The following TNKS variants were observed in gnomAD, a reference collection of about 807,000 sequenced individuals.
TNKS encodes tankyrase.
In TNKS, 72 loss-of-function variants were observed where a neutral mutation model predicts 135.8. The observed-to-expected ratio is 0.53, with a 90% confidence interval of 0.44 to 0.64. TNKS has a LOEUF of 0.64. Ranked by LOEUF, TNKS falls within the 30% of genes least tolerant of loss-of-function variation. The pLI is 0.00. For missense variants in TNKS, 1,769 were observed against 1,674.0 expected, an observed-to-expected ratio of 1.06 and a Z score of -0.99; for synonymous variants, 849 against 649.3, an observed-to-expected ratio of 1.31 and a Z score of -4.68.
chr8:9,580,746 C>T (rs148740570), intron 2 of TNKS, among the ~76,000 whole-genome samples: 1 of 151,964 alleles, frequency 6.6e-6, no homozygotes, highest in East Asian at 1.9e-4. Context: ...CATTTGAACA[C>T]TTGAGGTTGA....
chr8:9,623,603 C>T (rs951964917), intron 3 of TNKS, among the ~76,000 whole-genome samples: 2 of 152,158 alleles, frequency 1.3e-5, no homozygotes, highest in East Asian at 1.9e-4. Flanking sequence ...TGCCAATAGA[C>T]TTGCTGGATG....
Position 9,680,809 on chromosome 8 carries a change from T to C in TNKS, c.1107+9T>C, listed in dbSNP as rs1802749492. On this transcript the variant is annotated intron_variant, in intron 5 of 26. Coordinates refer to ENST00000310430, the MANE Select transcript of TNKS (RefSeq NM_003747.3). ...CAAGTGATGGGCGAAAGGTAAGTTATTTTAAATACAATCCTCTTTAATTGC... is the reference window on the plus strand; with the variant it reads ...CAAGTGATGGGCGAAAGGTAAGTTACTTTAAATACAATCCTCTTTAATTGC... 1 of 1,608,548 alleles carries C rather than the reference T, an allele frequency of 6.2e-7. No individual in the cohort carries two copies. Among genetic ancestry groups the C allele is most frequent in the South Asian group, 1.1e-5 (1 of 90,668 alleles).
At chr8:9,561,810 T>G (rs2129049417) in intron 1 of TNKS, among the ~76,000 whole-genome samples, 1 of 152,288 alleles carries the variant, frequency 6.6e-6, no homozygotes, top group Middle Eastern at 3.4e-3. Context: ...CATTTTACAT[T>G]CCCATCAACG....
At chr8:9,709,769 C>G (rs1804228958) in intron 9 of TNKS, among the ~76,000 whole-genome samples, 186 bp from the exon 10 acceptor site, 1 of 152,196 alleles carries the variant, frequency 6.6e-6, no homozygotes, top group Non-Finnish European at 1.5e-5. Context: ...GGTTTAAACG[C>G]TTACGTTTTG....
chr8:9,607,404 A>G (rs1186364275), intron 2 of TNKS, among the ~76,000 whole-genome samples: 4 of 152,198 alleles, frequency 2.6e-5, no homozygotes, highest in South Asian at 2.1e-4. Context: ...TATATCAATA[A>G]CCTTTCCAAT....
chr8:9,638,488 A>G (rs1002177921), intron 3 of TNKS, among the ~76,000 whole-genome samples: 1 of 152,228 alleles, frequency 6.6e-6, no homozygotes, highest in Non-Finnish European at 1.5e-5. Context: ...ATATACCTAC[A>G]TGTGTATACA....
intron 11 of TNKS, among the ~76,000 whole-genome samples, chr8:9,714,505 T>C (rs1404406487): frequency 6.6e-6 from 1 of 152,194 alleles, no homozygotes; most frequent in Admixed American, 6.6e-5. Flanking sequence ...AAGACACATA[T>C]CTAATCCCTT....
At chr8:9,750,549 C>T (rs1324383656) in intron 18 of TNKS, among the ~76,000 whole-genome samples, 1 of 152,158 alleles carries the variant, frequency 6.6e-6, no homozygotes, top group Non-Finnish European at 1.5e-5. Context: ...CAGCATTAGT[C>T]CCCTTTCTCT....
intron 12 of TNKS, among the ~76,000 whole-genome samples, chr8:9,721,631 A>G (rs1385450967): frequency 6.7e-6 from 1 of 148,714 alleles, no homozygotes; most frequent in Non-Finnish European, 1.5e-5. Flanking sequence ...GTAGTTCTTA[A>G]CTCTATCAGG....
intron 2 of TNKS, among the ~76,000 whole-genome samples, chr8:9,585,255 T>A (rs1277275596): frequency 6.6e-6 from 1 of 151,538 alleles, no homozygotes; most frequent in Admixed American, 6.6e-5. Context: ...CAGAGACAAA[T>A]GTTGAAACAT....
intron 4 of TNKS, 45 bp from the exon 5 acceptor site, chr8:9,680,680 G>A: frequency 7.2e-7 from 1 of 1,382,060 alleles, no homozygotes; most frequent in Non-Finnish European, 1.0e-6. Flanking sequence ...ATATTCATAA[G>A]AAGCTTTGTA....
intron 2 of TNKS, among the ~76,000 whole-genome samples, chr8:9,613,998 A>C (rs1799552037): frequency 6.6e-6 from 1 of 152,210 alleles, no homozygotes; most frequent in South Asian, 2.1e-4. Context: ...TTTTCATGGT[A>C]GCTATTATTT....
rs532986017 is a variant in TNKS at position 9,581,645 on chromosome 8, C to T, written c.898+1262C>T. Among the ~76,000 whole-genome samples the T allele has an allele frequency of 6.6e-5, 10 of 152,330 alleles. No individual in the cohort carries two copies. In the South Asian group the frequency reaches 1.2e-3, roughly 19 times the overall value. Reference sequence around the variant, plus strand: ...TCTCTGCTGTAACTGCTTCTTGCTTCACCTTGTTGTCACAGCCACTGGATT... The same window carrying T: ...TCTCTGCTGTAACTGCTTCTTGCTTTACCTTGTTGTCACAGCCACTGGATT... On this transcript the variant is annotated intron_variant, in intron 2 of 26. Coordinates refer to ENST00000310430, the MANE Select transcript of TNKS (RefSeq NM_003747.3).
At position 9,615,491 on chromosome 8, in the gene TNKS, G is replaced by T; in HGVS notation, c.899-91G>T. 4.0e-6 allele frequency: 4 copies of T among 1,002,956 alleles called. No homozygotes were observed. The South Asian group carries it at 5.8e-5, about 15-fold the overall frequency. The allele number at this position is 1,002,956 out of a possible 1,614,324, so 62.1% of individuals were successfully genotyped here. A position where few individuals can be genotyped will look rare whatever the true frequency, so the allele number is the denominator to read the frequency against. On this transcript the variant is annotated intron_variant, in intron 2 of 26. Transcript: ENST00000310430. ...AAGAGAAAAAATTTGTGCAATGTAT[G>T]TTTATGCCTACACCATGCCGAGACG... is the stretch of plus-strand genomic sequence containing the variant.
intron 2 of TNKS, among the ~76,000 whole-genome samples, chr8:9,604,495 A>C (rs562625318): frequency 1.3e-5 from 2 of 152,086 alleles, no homozygotes; most frequent in Admixed American, 1.3e-4. Context: ...TCTGCCTAAC[A>C]TATATAACGT....
At chr8:9,566,935 A>G (rs964847977) in intron 1 of TNKS, among the ~76,000 whole-genome samples, 3 of 152,148 alleles carry the variant, frequency 2.0e-5, no homozygotes, top group Non-Finnish European at 4.4e-5. Context: ...ATCAGAGTCC[A>G]AGGTCACATA....
rs1163037107 is a variant in TNKS, at chr8:9,608,288, T to C, written c.899-7294T>C. The stretch of plus-strand genomic sequence containing the variant: ...TCTGTTGCATCATCAGTGCAAATGT[T>C]AATATAATGAAACAAAGGAATAATA... On this transcript the variant is annotated intron_variant, in intron 2 of 26. Coordinates refer to ENST00000310430, the MANE Select transcript of TNKS (RefSeq NM_003747.3). Among the ~76,000 whole-genome samples the C allele has an allele frequency of 4.6e-5, 7 of 152,214 alleles. No individual in the cohort carries two copies. The East Asian group carries it at 9.6e-4, about 21-fold the overall frequency.
At chr8:9,617,192 A>T (rs1372830341) in intron 3 of TNKS, among the ~76,000 whole-genome samples, 2 of 152,254 alleles carry the variant, frequency 1.3e-5, no homozygotes, top group Non-Finnish European at 2.9e-5. Flanking sequence ...AATGAATTTC[A>T]GGGGAGATTA....
At chr8:9,735,198 T>C (rs776398405) in intron 16 of TNKS, 114 bp downstream of exon 16, 191 of 1,168,076 alleles carry the variant, frequency 1.6e-4, no homozygotes, top group Middle Eastern at 1.1e-3. Context: ...TAAAATGCTC[T>C]TGATTGACAT....
Sources: gnomAD v4.1 joint callset for allele counts (sites outside exome capture counted in the v4.1 genomes callset) on GRCh38, gnomAD v4.1.1 for gene constraint, MANE v1.5 for transcripts, NCBI Gene and HGNC (gene_info 2026-07-23, HGNC 2026-07-21) for gene names.